The following NEK1 variants were observed in gnomAD, a reference collection of about 807,000 sequenced individuals.
NEK1 encodes the protein NIMA related kinase 1.
A neutral mutation model predicts 182.1 loss-of-function variants in NEK1; 137 were observed. The ratio of observed to expected loss-of-function variants is 0.75; its 90% CI spans 0.65 to 0.87. The LOEUF is 0.87. Ranked by LOEUF, NEK1 falls within the 40% of genes least tolerant of loss-of-function variation. The probability of loss-of-function intolerance (pLI) is 0.00; values close to 1 mark genes in which losing one functional copy is unlikely to be tolerated. For synonymous variants in NEK1, 513 were observed against 492.2 expected (o/e 1.04, Z -0.56); for missense variants, 1,391 against 1,494.4 (o/e 0.93, Z 1.14).
At chr4:169,568,705 C>T (rs764787338) in intron 12 of NEK1, among the ~76,000 whole-genome samples, 2 of 151,866 alleles carry the variant, frequency 1.3e-5, no homozygotes, top group African/African-American at 2.4e-5. Flanking sequence ...TTTGGGAGGC[C>T]GGGTGGATCA....
chr4:169,598,284 T>C (rs1769898657), intron 5 of NEK1, among the ~76,000 whole-genome samples: 1 of 152,160 alleles, frequency 6.6e-6, no homozygotes, highest in Non-Finnish European at 1.5e-5. Context: ...AGATAACAAA[T>C]ACAACACTCC....
rs1757654582 is a variant in NEK1 at position 169,531,419 on chromosome 4, G to A, written c.1665+6390C>T. Reference sequence around the variant, plus strand: ...GACAGGATGATAACTACAGACGTATGCAGAGTTAATGATGTGAGAAATTTG... The same window carrying A: ...GACAGGATGATAACTACAGACGTATACAGAGTTAATGATGTGAGAAATTTG... On this transcript the variant is annotated intron_variant, in intron 19 of 35. Transcript: ENST00000507142. 4.6e-5 allele frequency among the ~76,000 whole-genome samples: 7 copies of A among 151,910 alleles called. No homozygotes were observed. The South Asian group carries it at 1.5e-3, about 32-fold the overall frequency.
intron 18 of NEK1, among the ~76,000 whole-genome samples, chr4:169,546,101 G>A (rs1277459824): frequency 3.3e-5 from 5 of 152,096 alleles, no homozygotes; most frequent in South Asian, 2.1e-4. Flanking sequence ...GATCTTTCCC[G>A]CTTTCTCCTG....
Position 169,570,596 on chromosome 4 carries a change from G to T in NEK1, c.1020+6332C>A, listed in dbSNP as rs535443522. Reference sequence around the variant, plus strand: ...GCCCGGCCAGCCGCCCCGTCCAGGAGGTGAGGGGTGCCTCTGCCCGGCCGC... The same window carrying T: ...GCCCGGCCAGCCGCCCCGTCCAGGATGTGAGGGGTGCCTCTGCCCGGCCGC... On this transcript the variant is annotated intron_variant, in intron 12 of 35. Coordinates refer to ENST00000507142, the MANE Select transcript of NEK1 (RefSeq NM_001199397.3). Among the ~76,000 whole-genome samples the T allele has an allele frequency of 4.9e-3, 740 of 151,254 alleles. 3 individuals carry two copies. The highest frequency in any genetic ancestry group is 8.3e-3 in the Non-Finnish European group (561 of 67,636).
Position 169,400,508 on chromosome 4 carries a change from A to T in NEK1, c.3714+13T>A. 1 of 1,593,406 alleles carries T rather than the reference A, an allele frequency of 6.3e-7. No individual in the cohort carries two copies. The highest frequency in any genetic ancestry group is 8.5e-7 in the Non-Finnish European group (1 of 1,172,306). ...TAGCACATTTTAAGTGTTTTAATTG[A>T]CTTTTCACTTACCTTTATTTTCTCA... On this transcript the variant is annotated intron_variant, in intron 34 of 35. Coordinates refer to ENST00000507142, the MANE Select transcript of NEK1 (RefSeq NM_001199397.3).
chr4:169,492,270 G>A (rs1223192865), intron 23 of NEK1, among the ~76,000 whole-genome samples: 1 of 152,186 alleles, frequency 6.6e-6, no homozygotes, highest in African/African-American at 2.4e-5. Flanking sequence ...TCCTCAGAAG[G>A]AAGATCAAAA....
intron 26 of NEK1, among the ~76,000 whole-genome samples, chr4:169,466,753 C>T (rs1267673691): frequency 6.6e-6 from 1 of 151,972 alleles, no homozygotes; most frequent in Non-Finnish European, 1.5e-5. Flanking sequence ...ATATCTTCTA[C>T]ACAAAAGAAA....
At chr4:169,595,686 G>A (rs1769319572) in intron 5 of NEK1, among the ~76,000 whole-genome samples, 1 of 152,064 alleles carries the variant, frequency 6.6e-6, no homozygotes, top group South Asian at 2.1e-4. Context: ...CACTTTGGGA[G>A]GCAGAGGCGG....
intron 18 of NEK1, among the ~76,000 whole-genome samples, chr4:169,546,915 T>C (rs1760566503): frequency 6.6e-6 from 1 of 152,224 alleles, no homozygotes; most frequent in African/African-American, 2.4e-5. Flanking sequence ...TGATGGGTCT[T>C]GACTCTTTAT....
chr4:169,497,371 A>AT lies in NEK1; in HGVS notation c.2007+9665dup, dbSNP rs1235554467. Among the ~76,000 whole-genome samples the AT allele has an allele frequency of 3.9e-5, 6 of 152,014 alleles. No individual in the cohort carries two copies. In the South Asian group the frequency reaches 8.3e-4, roughly 21 times the overall value. Reference sequence around the variant, plus strand: ...AAAAAACCAGCTCCTAGATTCACTGATTTTTTGGAGGGTTTTTTGTGTCTC... The same window carrying AT: ...AAAAAACCAGCTCCTAGATTCACTGATTTTTTTGGAGGGTTTTTTGTGTCTC... On this transcript the variant is annotated intron_variant, in intron 23 of 35. Transcript: ENST00000507142.
At chr4:169,472,051 G>A (rs542992431) in intron 26 of NEK1, among the ~76,000 whole-genome samples, 17 of 152,200 alleles carry the variant, frequency 1.1e-4, no homozygotes, top group South Asian at 2.1e-4. Flanking sequence ...GTGGGGCTCC[G>A]TGGGGGTGGG....
At chr4:169,593,683 G>A (rs1768925182) in intron 5 of NEK1, among the ~76,000 whole-genome samples, 1 of 152,140 alleles carries the variant, frequency 6.6e-6, no homozygotes, top group African/African-American at 2.4e-5. Context: ...GGAGGAGAGG[G>A]AAGCCCTTTA....
intron 27 of NEK1, among the ~76,000 whole-genome samples, chr4:169,458,280 G>A (rs937306765): frequency 6.6e-6 from 1 of 152,048 alleles, no homozygotes; most frequent in Non-Finnish European, 1.5e-5. Flanking sequence ...TTTGGCAAAG[G>A]AGCAAAGTTA....
At chr4:169,593,563 A>G (rs1314821008) in intron 5 of NEK1, among the ~76,000 whole-genome samples, 2 of 152,228 alleles carry the variant, frequency 1.3e-5, no homozygotes, top group African/African-American at 4.8e-5. Flanking sequence ...TAAGCAAAGC[A>G]GAGAAGAAAG....
chr4:169,406,766 A>G lies in NEK1; in HGVS notation c.3223-19T>C. ...TTAACATCTAAAATAAAAATCAACAAATTTCTTATTAGGAGAAAGATAATT... is the reference window on the plus strand; with the variant it reads ...TTAACATCTAAAATAAAAATCAACAGATTTCTTATTAGGAGAAAGATAATT... On this transcript the variant is annotated intron_variant, in intron 31 of 35. Coordinates refer to ENST00000507142, the MANE Select transcript of NEK1 (RefSeq NM_001199397.3). 1.3e-6 allele frequency: 2 copies of G among 1,557,350 alleles called. No individual in the cohort carries two copies. Among genetic ancestry groups the G allele is most frequent in the Non-Finnish European group, 1.7e-6 (2 of 1,153,764 alleles).
In NEK1 at chr4:169,565,279, TA is replaced by T. The variant is rs569323119; in HGVS notation, c.1021-3084del. On this transcript the variant is annotated intron_variant, in intron 12 of 35. Transcript: ENST00000507142. ...GATACATACACACCCCTAAGTTTCA[TA>T]AAATATCTTCACTATATGTATAGCA... Among the ~76,000 whole-genome samples, 38 of 152,282 alleles carry T rather than the reference TA, an allele frequency of 2.5e-4. No individual in the cohort carries two copies. In the East Asian group the frequency reaches 6.9e-3, roughly 28 times the overall value.
At chr4:169,479,585 A>C (rs1747609204) in intron 23 of NEK1, 51 bp from the exon 24 acceptor site, 8 of 1,450,548 alleles carry the variant, frequency 5.5e-6, no homozygotes, top group Non-Finnish European at 7.6e-6. Flanking sequence ...ATTTGTATGA[A>C]GAAATAAAAT....
In NEK1 at chr4:169,400,647, G is replaced by A; in HGVS notation, c.3588C>T (p.Asn1196=). ...ATTCACTAGCAATTTCACCATCACT[G>A]TTATCTAAAAAACAAAATTAAAATA... ...SALNEEWHSD[N]SDGEIASECE... Residue 1196 remains asparagine (N), a synonymous_variant, in exon 34 of 36, where the codon AAC becomes AAT. Coordinates refer to ENST00000507142, the MANE Select transcript of NEK1 (RefSeq NM_001199397.3). 1 of 1,575,292 alleles carries A rather than the reference G, an allele frequency of 6.3e-7. No individual in the cohort carries two copies. The highest frequency in any genetic ancestry group is 8.6e-7 in the Non-Finnish European group (1 of 1,159,988).
At chr4:169,492,892 C>T (rs75360663) in intron 23 of NEK1, among the ~76,000 whole-genome samples, 1 of 152,182 alleles carries the variant, frequency 6.6e-6, no homozygotes, top group Non-Finnish European at 1.5e-5. Context: ...GCACTAACCA[C>T]TGAAGGGGGC....
Sources: allele counts gnomAD v4.1 joint callset (sites outside exome capture counted in the v4.1 genomes callset), GRCh38; gene constraint gnomAD v4.1.1; transcripts MANE v1.5; gene names NCBI Gene and HGNC (gene_info 2026-07-23, HGNC 2026-07-21).